PVR: variants seen among roughly 807,000 people sequenced by gnomAD.
The protein encoded by PVR is PVR cell adhesion molecule, also known as poliovirus receptor.
In PVR, 39 loss-of-function variants were observed where a neutral mutation model predicts 43.3. The ratio of observed to expected loss-of-function variants is 0.90; its 90% CI spans 0.70 to 1.18. PVR has a LOEUF of 1.18. Ranked by LOEUF, PVR falls within the 50% of genes most tolerant of loss-of-function variation. The probability of loss-of-function intolerance (pLI) is 0.00; values close to 1 mark genes in which losing one functional copy is unlikely to be tolerated. For synonymous variants in PVR, 224 were observed against 233.2 expected, an observed-to-expected ratio of 0.96 and a Z score of 0.36; for missense variants, 480 against 549.7, an observed-to-expected ratio of 0.87 and a Z score of 1.27.
rs1455844583 is a variant in PVR, at chr19:44,644,025, C to A, written c.-72C>A. ...CTCCGGGAGCTGGACTCGCAGCGAC[C>A]GCGGCAGAGCGAGCGGGCGCCGGGA... On this transcript the variant is annotated 5_prime_UTR_variant, in exon 1 of 8. Transcript: ENST00000425690. 1.5e-6 allele frequency: 2 copies of A among 1,333,656 alleles called. No individual in the cohort carries two copies. The highest frequency in any genetic ancestry group is 3.0e-5 in the African/African-American group (2 of 65,604). The allele number at this position is 1,333,656 out of a possible 1,614,324, so 82.6% of individuals were successfully genotyped here.
chr19:44,659,645 G>C (rs1251189557), intron 6 of PVR, among the ~76,000 whole-genome samples: 1 of 152,058 alleles, frequency 6.6e-6, no homozygotes, highest in Non-Finnish European at 1.5e-5. Context: ...ACTATGCCCA[G>C]CAATTTTTGT....
intron 4 of PVR, 143 bp from the exon 5 acceptor site, chr19:44,657,619 G>A: frequency 1.4e-6 from 1 of 720,876 alleles, no homozygotes; most frequent in Non-Finnish European, 2.2e-6. Flanking sequence ...ATGAGAGGAA[G>A]GGAAGAGTTG....
In PVR at chr19:44,661,816, G is replaced by A. The variant is rs757401397; in HGVS notation, c.*5G>A. ...CAGACAGAGGGCACAAGGTGACAGC[G>A]TCGGGACTGAGAGGGGAGAGAGACT... On this transcript the variant is annotated 3_prime_UTR_variant, in exon 8 of 8. Coordinates refer to ENST00000425690, the MANE Select transcript of PVR (RefSeq NM_006505.5). 5.6e-6 allele frequency: 9 copies of A among 1,613,546 alleles called. No homozygotes were observed. The highest frequency in any genetic ancestry group is 5.0e-5 in the Admixed American group (3 of 60,000).
intron 6 of PVR, among the ~76,000 whole-genome samples, chr19:44,659,999 C>T (rs1407086085): frequency 6.6e-6 from 1 of 152,218 alleles, no homozygotes; most frequent in Non-Finnish European, 1.5e-5. Context: ...CAGGCGGATA[C>T]TGCCTCGTCC....
At chr19:44,657,377 T>G (rs1973474133) in intron 4 of PVR, among the ~76,000 whole-genome samples, 1 of 152,106 alleles carries the variant, frequency 6.6e-6, no homozygotes, top group Admixed American at 6.6e-5. Context: ...CAGAGGGTAC[T>G]GAGCTGAGGT....
intron 2 of PVR, among the ~76,000 whole-genome samples, chr19:44,648,626 A>T (rs879734114): frequency 6.6e-6 from 1 of 152,020 alleles, no homozygotes; most frequent in Non-Finnish European, 1.5e-5. Flanking sequence ...AATTACAGGA[A>T]TGTGCCACCA....
At position 44,665,669 on chromosome 19, in the gene PVR, C is replaced by CCTGGCT; in HGVS notation, c.*3861_*3866dup. The CCTGGCT allele has an allele frequency of 6.5e-6, 1 of 152,956 alleles. No homozygotes were observed. Among genetic ancestry groups the CCTGGCT allele is most frequent in the South Asian group, 2.1e-4 (1 of 4,868 alleles). The allele number at this position is 152,956 out of a possible 1,614,324, so 9.5% of individuals were successfully genotyped here. On this transcript the variant is annotated 3_prime_UTR_variant, in exon 8 of 8. Coordinates refer to ENST00000425690, the MANE Select transcript of PVR (RefSeq NM_006505.5). Reference sequence around the variant, plus strand: ...AAAAAAAAAAAAAAAAACTGGATTGCCTGGCTCTACTCCGGGCACAGCATG... The same window carrying CCTGGCT: ...AAAAAAAAAAAAAAAAACTGGATTGCCTGGCTCTGGCTCTACTCCGGGCACAGCATG...
rs975493261 is a variant in PVR at position 44,647,197 on chromosome 19, G to A, written c.80-26G>A. On this transcript the variant is annotated intron_variant, in intron 1 of 7. Transcript: ENST00000425690. ...TCTAGTCCAAGAACGCCCCGGGTCT[G>A]ACACCTTCTCTTCGGTTCTCCGCAG... 1.7e-5 allele frequency: 26 copies of A among 1,502,572 alleles called. 2 individuals are homozygous for A. The South Asian group carries it at 3.1e-4, about 18-fold the overall frequency. The allele number at this position is 1,502,572 out of a possible 1,614,324, so 93.1% of individuals were successfully genotyped here. A position where few individuals can be genotyped will look rare whatever the true frequency, so the allele number is the denominator to read the frequency against.
chr19:44,662,773 T>A lies in PVR; in HGVS notation c.*962T>A, dbSNP rs1217359823. 1 of 152,196 alleles carries A rather than the reference T, an allele frequency of 6.6e-6. No individual in the cohort carries two copies. Among genetic ancestry groups the A allele is most frequent in the Non-Finnish European group, 1.5e-5 (1 of 68,052 alleles). The allele number at this position is 152,196 out of a possible 1,614,324, so 9.4% of individuals were successfully genotyped here. On this transcript the variant is annotated 3_prime_UTR_variant, in exon 8 of 8. Transcript: ENST00000425690. ...GCATAGCAGACCACACAGAAGGGTG[T>A]GGGCCACCAGAGAATTTTGGTAAAA...
chr19:44,658,966 G>A (rs1973528106), intron 6 of PVR, 66 bp downstream of exon 6: 5 of 1,497,238 alleles, frequency 3.3e-6, no homozygotes, highest in South Asian at 2.5e-5. Flanking sequence ...TCCTTCCAGT[G>A]TGCCTCTCAC....
At position 44,647,325 on chromosome 19, in the gene PVR, T is replaced by C. The variant is rs767576176; in HGVS notation, c.182T>C (p.Val61Ala). The change falls in exon 2 of 8, where the codon GTG (valine) becomes GCG (alanine). Residue 61 changes from valine (V) to alanine (A), a missense_variant. Transcript: ENST00000425690. ...GTGCCCAACATGGAGGTGACGCATG[T>C]GTCACAGCTGACTTGGGCGCGGCAT... ...LQVPNMEVTH[V>A]SQLTWARHGE... The C allele has an allele frequency of 1.2e-6, 2 of 1,611,802 alleles. No homozygotes were observed. The highest frequency in any genetic ancestry group is 3.3e-5 in the Admixed American group (2 of 59,718).
intron 1 of PVR, among the ~76,000 whole-genome samples, chr19:44,645,043 A>T (rs1386578334): frequency 8.8e-6 from 1 of 113,410 alleles, no homozygotes; most frequent in Non-Finnish European, 1.7e-5. Flanking sequence ...TATAATATAT[A>T]ATAAAATATA....
At chr19:44,645,853 T>C (rs1367609918) in intron 1 of PVR, among the ~76,000 whole-genome samples, 2 of 152,014 alleles carry the variant, frequency 1.3e-5, no homozygotes, top group Non-Finnish European at 2.9e-5. Context: ...TAGGACCATG[T>C]TTATTAGTGT....
At chr19:44,653,800 A>G in intron 3 of PVR, 100 bp from the exon 4 acceptor site, 2 of 810,696 alleles carry the variant, frequency 2.5e-6, no homozygotes, top group Admixed American at 1.9e-5. Flanking sequence ...GCTGTTTTCC[A>G]AATATCCCCG....
At chr19:44,650,552 C>G (rs905851745) in intron 3 of PVR, among the ~76,000 whole-genome samples, 1 of 149,068 alleles carries the variant, frequency 6.7e-6, no homozygotes, top group East Asian at 2.0e-4. Flanking sequence ...TTGTCCTTTT[C>G]TTTCTTTCCT....
At chr19:44,648,840 T>A (rs1973201388) in intron 2 of PVR, among the ~76,000 whole-genome samples, 1 of 152,074 alleles carries the variant, frequency 6.6e-6, no homozygotes, top group Admixed American at 6.6e-5. Context: ...TGGTTTAGGA[T>A]GAGGGTAAAA....
At chr19:44,654,106 T>G in intron 4 of PVR, 89 bp downstream of exon 4, 3 of 1,099,014 alleles carry the variant, frequency 2.7e-6, no homozygotes, top group Non-Finnish European at 4.0e-6. Context: ...CTCCTGGGAC[T>G]GAGGGAGAAG....
At chr19:44,647,683 A>C (rs1403948305) in intron 2 of PVR, 113 bp downstream of exon 2, 2 of 490,100 alleles carry the variant, frequency 4.1e-6, no homozygotes, top group Non-Finnish European at 3.2e-6. Context: ...CCTCCACAGC[A>C]GATCCCCTGG....
chr19:44,660,693 T>G (rs1973569319), intron 6 of PVR, among the ~76,000 whole-genome samples: 1 of 151,848 alleles, frequency 6.6e-6, no homozygotes, highest in South Asian at 2.1e-4. Flanking sequence ...TGGCTAATTT[T>G]TTATATTTTT....
Sources: allele counts gnomAD v4.1 joint callset (sites outside exome capture counted in the v4.1 genomes callset), GRCh38; gene constraint gnomAD v4.1.1; transcripts MANE v1.5; gene names NCBI Gene and HGNC (gene_info 2026-07-23, HGNC 2026-07-21).